ATP6V0A4: variants seen among roughly 807,000 people sequenced by gnomAD.
ATP6V0A4 encodes the protein ATPase H+ transporting V0 subunit a4.
In ATP6V0A4, 86 loss-of-function variants were observed where a neutral mutation model predicts 107.3. That is an observed-to-expected ratio of 0.80 (90% confidence interval 0.67 to 0.96). The LOEUF is 0.96. Ranked by LOEUF, ATP6V0A4 falls within the 40% of genes least tolerant of loss-of-function variation. The pLI is 0.00. For missense variants in ATP6V0A4, 908 were observed against 1,045.6 expected (o/e 0.87, Z 1.81); for synonymous variants, 353 against 381.4 (o/e 0.93, Z 0.87).
chr7:138,779,385 G>A (rs1584947592), intron 2 of ATP6V0A4, among the ~76,000 whole-genome samples: 2 of 152,048 alleles, frequency 1.3e-5, no homozygotes, highest in East Asian at 3.9e-4. Context: ...TAATATTGGT[G>A]GAAGGATAGA....
intron 2 of ATP6V0A4, among the ~76,000 whole-genome samples, chr7:138,774,689 C>T (rs6467799): frequency 1 from 145,555 of 146,012 alleles, 72,550 homozygotes; most frequent in Middle Eastern, 1. Context: ...ATAGTATATA[C>T]ACATATGTAT....
chr7:138,716,073 G>A (rs567390407), intron 19 of ATP6V0A4, 192 bp from the exon 20 acceptor site: 4 of 356,618 alleles, frequency 1.1e-5, no homozygotes, highest in South Asian at 1.1e-4. Context: ...GTGTCTTAAC[G>A]TTCCCCAGCA....
In ATP6V0A4 at chr7:138,706,696, G is replaced by T. The variant is rs934266733; in HGVS notation, c.2451C>A (p.Phe817Leu). ...RLHWVEFQNK[F>L]YVGDGYKFSP... ...AAAACTTGTAACCATCCCCGACATA[G>T]AACTTGTTCTGGAACTCAACCCTGT... The change falls in exon 22 of 22, where the codon TTC (phenylalanine) becomes TTA (leucine). Residue 817 changes from phenylalanine (F) to leucine (L), a missense_variant. Coordinates refer to ENST00000310018, the MANE Select transcript of ATP6V0A4 (RefSeq NM_020632.3). 6 of 1,613,744 alleles carry T rather than the reference G, an allele frequency of 3.7e-6. No homozygotes were observed. In the South Asian group the frequency reaches 4.4e-5, roughly 12 times the overall value.
At chr7:138,756,104 C>T in intron 9 of ATP6V0A4, 1 of 519,148 alleles carries the variant, frequency 1.9e-6, no homozygotes, top group Non-Finnish European at 3.4e-6. Context: ...ATCCTCTGCA[C>T]TGAGTCATTT....
chr7:138,723,506 G>A (rs1038428418), intron 18 of ATP6V0A4, among the ~76,000 whole-genome samples: 3 of 150,318 alleles, frequency 2.0e-5, no homozygotes, highest in African/African-American at 7.3e-5. Context: ...CAACGTATCT[G>A]GACCCTTCTT....
rs541046578 is a variant in ATP6V0A4 at position 138,708,254 on chromosome 7, C to A, written c.2429+1370G>T. Reference sequence around the variant, plus strand: ...CAGTAGAGACGGGGTTTCTCCACGTCGATCAGGTCACAAACTCCTGACCTC... The same window carrying A: ...CAGTAGAGACGGGGTTTCTCCACGTAGATCAGGTCACAAACTCCTGACCTC... On this transcript the variant is annotated intron_variant, in intron 21 of 21. Transcript: ENST00000310018. Among the ~76,000 whole-genome samples, 5 of 151,978 alleles carry A rather than the reference C, an allele frequency of 3.3e-5. No individual in the cohort carries two copies. In the East Asian group the frequency reaches 9.7e-4, roughly 30 times the overall value.
Position 138,771,264 on chromosome 7 carries a change from T to C in ATP6V0A4, c.-17A>G, listed in dbSNP as rs766589494. The C allele has an allele frequency of 3.1e-6, 5 of 1,612,626 alleles. No homozygotes were observed. In the Admixed American group the frequency reaches 6.7e-5, roughly 22 times the overall value. The stretch of plus-strand genomic sequence containing the variant: ...AGACACCATCTTGGCCCAGCCTCGG[T>C]CTACAGGAGAAAAAGAAAAAGATAT... On this transcript the variant is annotated splice_region_variant and 5_prime_UTR_variant, in exon 3 of 22. Coordinates refer to ENST00000310018, the MANE Select transcript of ATP6V0A4 (RefSeq NM_020632.3).
intron 18 of ATP6V0A4, among the ~76,000 whole-genome samples, chr7:138,722,865 C>T (rs1266153677): frequency 1.3e-5 from 2 of 150,752 alleles, no homozygotes; most frequent in South Asian, 2.1e-4. Flanking sequence ...TCAAGACCAG[C>T]CTGGTCAACA....
At chr7:138,755,128 G>A (rs1806444041) in intron 10 of ATP6V0A4, among the ~76,000 whole-genome samples, 1 of 152,136 alleles carries the variant, frequency 6.6e-6, no homozygotes, top group African/African-American at 2.4e-5. Context: ...AGGCCCAGCT[G>A]TTTTCAGTGA....
chr7:138,784,289 T>TATACACACATATATAC (rs1554402651), intron 2 of ATP6V0A4, among the ~76,000 whole-genome samples: 58 of 43,796 alleles, frequency 1.3e-3, no homozygotes, highest in African/African-American at 3.7e-3. Flanking sequence ...TACATATATA[T>TATACACACATATATAC]ACACACACAC....
intron 1 of ATP6V0A4, among the ~76,000 whole-genome samples, chr7:138,789,846 G>A (rs1808324981): frequency 6.6e-6 from 1 of 151,586 alleles, no homozygotes; most frequent in Non-Finnish European, 1.5e-5. Context: ...GTACATGCCT[G>A]TAATCCCAGC....
At chr7:138,707,068 A>ATGGGTGTGTGTGTGTGTGTG (rs1803409439) in intron 21 of ATP6V0A4, among the ~76,000 whole-genome samples, 1 of 90,094 alleles carries the variant, frequency 1.1e-5, no homozygotes, top group African/African-American at 5.1e-5. Context: ...GCTAATTTAT[A>ATGGGTGTGTGTGTGTGTGTG]TGTGTGTGTG....
Position 138,759,860 on chromosome 7 carries a change from G to T in ATP6V0A4, c.531C>A (p.Ile177=). 2.5e-6 allele frequency: 4 copies of T among 1,614,034 alleles called. No individual in the cohort carries two copies. The highest frequency in any genetic ancestry group is 3.4e-6 in the Non-Finnish European group (4 of 1,180,014). ...TGKLGFIAGV[I]NRERMASFER... ...CAAAGGAAGCCATCCTCTCCCTGTT[G>T]ATCACACCGGCTATGAACCTAGGCA... The change falls in exon 8 of 22, where the codon ATC becomes ATA. Residue 177 remains isoleucine (I), a synonymous_variant. Transcript: ENST00000310018.
chr7:138,770,373 A>G (rs1295683426), intron 3 of ATP6V0A4, among the ~76,000 whole-genome samples: 1 of 152,160 alleles, frequency 6.6e-6, no homozygotes, highest in African/African-American at 2.4e-5. Flanking sequence ...ATGGGGTCAT[A>G]AAAATGACCA....
chr7:138,794,340 C>T (rs1427131281), intron 1 of ATP6V0A4, among the ~76,000 whole-genome samples: 1 of 152,066 alleles, frequency 6.6e-6, no homozygotes, highest in Non-Finnish European at 1.5e-5. Flanking sequence ...GTCTTTTCCC[C>T]GAGATGGACA....
rs1394500558 is a variant in ATP6V0A4 at position 138,709,807 on chromosome 7, G to A, written c.2258-12C>T. On this transcript the variant is annotated splice_polypyrimidine_tract_variant and intron_variant, in intron 20 of 21. Coordinates refer to ENST00000310018, the MANE Select transcript of ATP6V0A4 (RefSeq NM_020632.3). ...CACTTCAGACAGTTCTGCAAGGTAC[G>A]AGAAACCACTGGGATTATCTTGTAA... is the stretch of plus-strand genomic sequence containing the variant. The A allele has an allele frequency of 8.7e-6, 14 of 1,613,312 alleles. No homozygotes were observed. Among genetic ancestry groups the A allele is most frequent in the East Asian group, 4.5e-5 (2 of 44,840 alleles).
chr7:138,734,839 C>T (rs1190315921), intron 15 of ATP6V0A4, among the ~76,000 whole-genome samples: 3 of 149,590 alleles, frequency 2.0e-5, no homozygotes, highest in Non-Finnish European at 4.4e-5. Context: ...AGATCTCAAA[C>T]TTGCCTCAGT....
At chr7:138,745,052 C>G in intron 14 of ATP6V0A4, 71 bp downstream of exon 14, 2 of 1,415,314 alleles carry the variant, frequency 1.4e-6, no homozygotes, top group East Asian at 2.3e-5. Context: ...GTAGACTCCC[C>G]CAACCATGAA....
At chr7:138,764,222 GA>G (rs1806975084) in intron 5 of ATP6V0A4, among the ~76,000 whole-genome samples, 1 of 151,926 alleles carries the variant, frequency 6.6e-6, no homozygotes, top group Non-Finnish European at 1.5e-5. Context: ...TCGAAGGGAA[GA>G]GGGGAAAGGA....
Sources: gnomAD v4.1 joint callset for allele counts (sites outside exome capture counted in the v4.1 genomes callset) on GRCh38, gnomAD v4.1.1 for gene constraint, MANE v1.5 for transcripts, NCBI Gene and HGNC (gene_info 2026-07-23, HGNC 2026-07-21) for gene names.